Variants in PLCB1 observed in about 807,000 individuals in gnomAD.
PLCB1 encodes the protein phospholipase C beta 1.
A neutral mutation model predicts 161.8 loss-of-function variants in PLCB1; 46 were observed. The ratio of observed to expected loss-of-function variants is 0.28; its 90% CI spans 0.22 to 0.36. PLCB1 has a LOEUF of 0.36. Among genes scored for constraint, PLCB1 ranks in the 10% least tolerant of loss-of-function variants. The pLI is 1.00. For missense variants in PLCB1, 1,016 were observed against 1,472.5 expected (o/e 0.69, Z 5.07); for synonymous variants, 517 against 503.7 (o/e 1.03, Z -0.35).
intron 3 of PLCB1, among the ~76,000 whole-genome samples, chr20:8,426,391 G>C (rs1280976984): frequency 1.3e-5 from 2 of 152,196 alleles, no homozygotes; most frequent in Non-Finnish European, 2.9e-5. Context: ...CACTGGTTTT[G>C]CTTATTGGTA....
chr20:8,136,605 G>GCTGTCTCA (rs1306287356), intron 1 of PLCB1, among the ~76,000 whole-genome samples: 3 of 146,160 alleles, frequency 2.1e-5, no homozygotes, highest in Admixed American at 1.4e-4. Flanking sequence ...CAGCCTGGGC[G>GCTGTCTCA]ACAGAGCAAG....
chr20:8,638,255 G>A (rs1176280669), intron 4 of PLCB1, among the ~76,000 whole-genome samples: 2 of 152,138 alleles, frequency 1.3e-5, no homozygotes, highest in East Asian at 3.9e-4. Context: ...AGGAATGGCA[G>A]GTAAATGTCC....
rs147636261 is a variant in PLCB1 at position 8,180,329 on chromosome 20, T to C, written c.177+29958T>C. 7.9e-4 allele frequency among the ~76,000 whole-genome samples: 120 copies of C among 152,332 alleles called. 1 individual carries two copies. Among genetic ancestry groups the C allele is most frequent in the African/African-American group, 2.8e-3 (115 of 41,576 alleles). Reference sequence around the variant, plus strand: ...TATTTGATCATGGTGGATTAGCTTTTTGATGTACTACTGAATTCAGTTTGC... The same window carrying C: ...TATTTGATCATGGTGGATTAGCTTTCTGATGTACTACTGAATTCAGTTTGC... On this transcript the variant is annotated intron_variant, in intron 2 of 31. Coordinates refer to ENST00000338037, the MANE Select transcript of PLCB1 (RefSeq NM_015192.4).
chr20:8,144,555 G>A (rs1009753169), intron 1 of PLCB1, among the ~76,000 whole-genome samples: 2 of 152,140 alleles, frequency 1.3e-5, no homozygotes, highest in Non-Finnish European at 2.9e-5. Flanking sequence ...TGGAGGAAAA[G>A]TCTCATCAAT....
chr20:8,544,789 C>A (rs147191414), intron 3 of PLCB1, among the ~76,000 whole-genome samples: 1 of 152,324 alleles, frequency 6.6e-6, no homozygotes, highest in Non-Finnish European at 1.5e-5. Context: ...ATGGGACCAG[C>A]ACCCACATGT....
chr20:8,523,723 G>A (rs1307516124), intron 3 of PLCB1, among the ~76,000 whole-genome samples: 1 of 151,160 alleles, frequency 6.6e-6, no homozygotes, highest in Non-Finnish European at 1.5e-5. Context: ...GGGGACAAAT[G>A]GAATTTACTC....
chr20:8,873,334 A>G (rs1987670965), intron 31 of PLCB1, among the ~76,000 whole-genome samples: 1 of 152,174 alleles, frequency 6.6e-6, no homozygotes, highest in Non-Finnish European at 1.5e-5. Flanking sequence ...TGAATGTATG[A>G]TTTTAATGCA....
At chr20:8,579,565 G>T (rs1318796908) in intron 3 of PLCB1, among the ~76,000 whole-genome samples, 1 of 152,160 alleles carries the variant, frequency 6.6e-6, no homozygotes, top group African/African-American at 2.4e-5. Context: ...AAATATAATT[G>T]CTTCTTATTA....
chr20:8,660,539 A>G (rs1234958791), intron 9 of PLCB1, among the ~76,000 whole-genome samples: 1 of 152,108 alleles, frequency 6.6e-6, no homozygotes, highest in East Asian at 1.9e-4. Flanking sequence ...CACAGGCTTC[A>G]GCTGGTATCC....
intron 2 of PLCB1, among the ~76,000 whole-genome samples, chr20:8,369,545 G>A (rs923175085): frequency 1.1e-4 from 16 of 152,194 alleles, no homozygotes; most frequent in African/African-American, 3.1e-4. Context: ...ATTGAACATG[G>A]TTGAGACCAT....
intron 23 of PLCB1, chr20:8,751,408 T>C (rs899457305): frequency 6.6e-6 from 1 of 152,188 alleles, no homozygotes; most frequent in African/African-American, 2.4e-5. Context: ...AGATCCAAAC[T>C]TTCAATGCCC....
intron 2 of PLCB1, among the ~76,000 whole-genome samples, chr20:8,162,229 T>G (rs973868178): frequency 2.6e-5 from 4 of 152,220 alleles, no homozygotes; most frequent in African/African-American, 9.6e-5. Context: ...TAACCTTATA[T>G]TTGTGTTTTT....
chr20:8,506,154 T>C (rs1326249669), intron 3 of PLCB1, among the ~76,000 whole-genome samples: 1 of 152,250 alleles, frequency 6.6e-6, no homozygotes, highest in Non-Finnish European at 1.5e-5. Flanking sequence ...TGGTTTGTGG[T>C]CGCTTTCTTT....
chr20:8,338,148 T>C (rs1471412790), intron 2 of PLCB1, among the ~76,000 whole-genome samples: 1 of 152,188 alleles, frequency 6.6e-6, no homozygotes, highest in Non-Finnish European at 1.5e-5. Context: ...TCTGTTTCTA[T>C]TTCCCAAATA....
intron 2 of PLCB1, among the ~76,000 whole-genome samples, chr20:8,267,933 C>CG (rs1982057248): frequency 6.6e-6 from 1 of 150,792 alleles, no homozygotes; most frequent in Non-Finnish European, 1.5e-5. Context: ...TGGGACAGGA[C>CG]CAATCAGAGG....
intron 2 of PLCB1, among the ~76,000 whole-genome samples, chr20:8,328,307 A>G (rs1328158089): frequency 6.6e-6 from 1 of 152,038 alleles, no homozygotes; most frequent in Non-Finnish European, 1.5e-5. Context: ...GTCTTGCTGA[A>G]TGCCTTTATC....
At chr20:8,772,046 A>T (rs1054758798) in intron 26 of PLCB1, among the ~76,000 whole-genome samples, 5 of 121,888 alleles carry the variant, frequency 4.1e-5, no homozygotes, top group African/African-American at 1.3e-4. Flanking sequence ...GGCCCGGTTA[A>T]TTTTTTTTTT....
intron 31 of PLCB1, among the ~76,000 whole-genome samples, chr20:8,831,867 T>C (rs1985995446): frequency 6.6e-6 from 1 of 151,256 alleles, no homozygotes; most frequent in Non-Finnish European, 1.5e-5. Flanking sequence ...AGTTGAAATT[T>C]AATTTTCTTT....
intron 3 of PLCB1, among the ~76,000 whole-genome samples, chr20:8,375,943 C>CAAAAAA (rs34790517): frequency 1.1e-5 from 1 of 93,056 alleles, no homozygotes; most frequent in African/African-American, 3.9e-5. Flanking sequence ...CCAAGTGAAC[C>CAAAAAA]AAAAAAAAAA....
Sources: allele counts gnomAD v4.1 joint callset (sites outside exome capture counted in the v4.1 genomes callset), GRCh38; gene constraint gnomAD v4.1.1; transcripts MANE v1.5; gene names NCBI Gene and HGNC (gene_info 2026-07-23, HGNC 2026-07-21).